The following HMGN3 variants were observed in gnomAD, a reference collection of about 807,000 sequenced individuals.
HMGN3 encodes the protein high mobility group nucleosome-binding domain-containing protein 3.
A neutral mutation model predicts 18.8 loss-of-function variants in HMGN3; 6 were observed. The ratio of observed to expected loss-of-function variants is 0.32; its 90% CI spans 0.18 to 0.63. The LOEUF is 0.63. Ranked by LOEUF, HMGN3 falls within the 30% of genes least tolerant of loss-of-function variation. HMGN3 has a pLI of 0.79. For missense variants in HMGN3, 107 were observed against 114.2 expected, an observed-to-expected ratio of 0.94 and a Z score of 0.29; for synonymous variants, 40 against 36.5, an observed-to-expected ratio of 1.10 and a Z score of -0.35.
intron 1 of HMGN3, among the ~76,000 whole-genome samples, chr6:79,231,204 G>A (rs75765916): frequency 0.041 from 6,227 of 152,200 alleles, 166 homozygotes; most frequent in South Asian, 0.099. Flanking sequence ...GTTTCCTGTC[G>A]CTAATCATGC....
intron 1 of HMGN3, among the ~76,000 whole-genome samples, chr6:79,223,258 T>A (rs774506913): frequency 2.0e-5 from 3 of 152,114 alleles, no homozygotes; most frequent in Non-Finnish European, 4.4e-5. Context: ...AGGCCTATAA[T>A]CTTAGCACTT....
chr6:79,234,663 C>A (rs1778061202), exon 1 of HMGN3: 1 of 1,154,482 alleles, frequency 8.7e-7, no homozygotes, highest in Non-Finnish European at 1.3e-6. Flanking sequence ...GCGCAGGGCA[C>A]GACGTAGCCC....
At chr6:79,203,842 A>C (rs1486343508) in intron 3 of HMGN3, among the ~76,000 whole-genome samples, 1 of 152,232 alleles carries the variant, frequency 6.6e-6, no homozygotes, top group Non-Finnish European at 1.5e-5. Context: ...AGGGAACTGC[A>C]GGTGAGATTG....
intron 1 of HMGN3, among the ~76,000 whole-genome samples, chr6:79,229,630 C>A (rs1161624662): frequency 6.6e-6 from 1 of 152,204 alleles, no homozygotes; most frequent in Non-Finnish European, 1.5e-5. Context: ...GTAATCCCAG[C>A]ACTTTGGGAG....
At chr6:79,214,911 C>T in intron 2 of HMGN3, 61 bp downstream of exon 2, 2 of 922,198 alleles carry the variant, frequency 2.2e-6, no homozygotes, top group South Asian at 2.9e-5. Flanking sequence ...GCAGACAATC[C>T]TAACAATATT....
chr6:79,233,409 A>T (rs1484968676), intron 1 of HMGN3, among the ~76,000 whole-genome samples: 1 of 152,238 alleles, frequency 6.6e-6, no homozygotes, highest in Non-Finnish European at 1.5e-5. Flanking sequence ...TCAGTATTTT[A>T]AAATAATGCA....
intron 3 of HMGN3, among the ~76,000 whole-genome samples, chr6:79,204,705 C>T (rs535139189): frequency 6.6e-6 from 1 of 152,274 alleles, no homozygotes; most frequent in South Asian, 2.1e-4. Context: ...CCCTTTTCAT[C>T]AAGGGCATAA....
At chr6:79,204,973 T>G (rs1430464158) in intron 3 of HMGN3, among the ~76,000 whole-genome samples, 2 of 152,192 alleles carry the variant, frequency 1.3e-5, no homozygotes, top group Non-Finnish European at 2.9e-5. Context: ...CCTTTTATAT[T>G]ATTTTCTGTA....
At chr6:79,207,777 T>C (rs1265341507) in intron 3 of HMGN3, among the ~76,000 whole-genome samples, 1 of 152,160 alleles carries the variant, frequency 6.6e-6, no homozygotes, top group African/African-American at 2.4e-5. Context: ...CAAAGTAGCA[T>C]GAAGCTTCTG....
chr6:79,218,964 A>G (rs1347540454), intron 1 of HMGN3, among the ~76,000 whole-genome samples: 2 of 152,178 alleles, frequency 1.3e-5, no homozygotes, highest in African/African-American at 4.8e-5. Flanking sequence ...AAAAGGATGA[A>G]CAAAAGAGAG....
chr6:79,220,210 G>GT (rs1777204557), intron 1 of HMGN3, among the ~76,000 whole-genome samples: 2 of 152,158 alleles, frequency 1.3e-5, no homozygotes, highest in African/African-American at 2.4e-5. Context: ...ATTAAAAAAT[G>GT]TAAGAACAGA....
rs117215160 is a variant in HMGN3, at chr6:79,234,529, T to C, written c.15+17A>G. On this transcript the variant is annotated intron_variant, in intron 1 of 5. Coordinates refer to ENST00000344726, the Ensembl canonical transcript of HMGN3. ...AGAATTTGAAGGCTTTTGAAATCTT[T>C]TTTTGGTAAGACTTACCTTTCTCTT... 4,985 of 1,610,772 alleles carry C rather than the reference T, an allele frequency of 3.1e-3. 248 individuals carry two copies. In the East Asian group the frequency reaches 0.098, roughly 32 times the overall value.
chr6:79,232,782 G>A (rs1019253866), intron 1 of HMGN3, among the ~76,000 whole-genome samples: 9 of 151,726 alleles, frequency 5.9e-5, no homozygotes, highest in African/African-American at 2.2e-4. Flanking sequence ...TAATTCCCAG[G>A]AAAAAAAGAT....
intron 1 of HMGN3, among the ~76,000 whole-genome samples, chr6:79,222,553 A>G (rs1219870650): frequency 2.0e-5 from 3 of 152,220 alleles, no homozygotes; most frequent in Non-Finnish European, 4.4e-5. Flanking sequence ...CACATTAAAC[A>G]GACACTGGAA....
chr6:79,214,402 C>T (rs1002151592), intron 2 of HMGN3, among the ~76,000 whole-genome samples: 23 of 152,088 alleles, frequency 1.5e-4, no homozygotes, highest in South Asian at 6.2e-4. Flanking sequence ...GGGGTTTCAC[C>T]GTGTTAGCCA....
chr6:79,213,667 A>G (rs1353912132), intron 2 of HMGN3, among the ~76,000 whole-genome samples: 2 of 152,242 alleles, frequency 1.3e-5, no homozygotes, highest in Non-Finnish European at 2.9e-5. Flanking sequence ...TGCTAGGTAC[A>G]TGGATGATGG....
intron 4 of HMGN3, among the ~76,000 whole-genome samples, chr6:79,202,942 T>C (rs1388892859): frequency 6.6e-6 from 1 of 152,208 alleles, no homozygotes. Context: ...CATGCCACTA[T>C]ACACATAAGT....
At chr6:79,209,178 G>A (rs1776564232) in intron 2 of HMGN3, among the ~76,000 whole-genome samples, 1 of 152,152 alleles carries the variant, frequency 6.6e-6, no homozygotes, top group Admixed American at 6.5e-5. Context: ...AATTAAAAGT[G>A]CATTACTTTT....
chr6:79,203,925 T>C (rs555623727), intron 3 of HMGN3, among the ~76,000 whole-genome samples: 153 of 152,342 alleles, frequency 1.0e-3, no homozygotes, highest in Middle Eastern at 3.4e-3. Flanking sequence ...CTCCAATGTG[T>C]CTGCTCTTCC....
Sources: allele counts gnomAD v4.1 joint callset (sites outside exome capture counted in the v4.1 genomes callset), GRCh38; gene constraint gnomAD v4.1.1; transcripts MANE v1.5; gene names NCBI Gene and HGNC (gene_info 2026-07-23, HGNC 2026-07-21).